The following MYCT1 variants were observed in gnomAD, a reference collection of about 807,000 sequenced individuals.
MYCT1 encodes myc target protein 1.
In MYCT1, 12 loss-of-function variants were observed where a neutral mutation model predicts 15.0. The observed-to-expected ratio is 0.80, with a 90% CI of 0.51 to 1.29. The LOEUF is 1.29. Among genes scored for constraint, MYCT1 ranks in the 50% most tolerant of loss-of-function variants. MYCT1 has a pLI of 0.00. For synonymous variants in MYCT1, 104 were observed against 102.7 expected (o/e 1.01, Z -0.07); for missense variants, 287 against 279.1 (o/e 1.03, Z -0.20).
rs2099725156 is a variant in MYCT1, at chr6:152,723,906, A to C, written c.*1653A>C. The stretch of plus-strand genomic sequence containing the variant: ...TCAGTGAAAAAGTACCCTCTTTTTC[A>C]TTTCCTATTGCAGTGGTCACAGCTA... On this transcript the variant is annotated 3_prime_UTR_variant, in exon 2 of 2. Transcript: ENST00000367245. 2.0e-5 allele frequency: 3 copies of C among 152,274 alleles called. No homozygotes were observed. In the South Asian group the frequency reaches 6.2e-4, roughly 32 times the overall value. 9.4% of individuals were successfully genotyped at this position (152,274 alleles called of 1,614,324 possible).
At chr6:152,705,881 GA>G in intron 1 of MYCT1, 1 of 737,790 alleles carries the variant, frequency 1.4e-6, no homozygotes, top group Non-Finnish European at 2.5e-6. Flanking sequence ...TGATTGTTGA[GA>G]AAATTATGCA....
chr6:152,718,276 T>C (rs2129070269), intron 1 of MYCT1, among the ~76,000 whole-genome samples: 1 of 152,334 alleles, frequency 6.6e-6, no homozygotes, highest in Non-Finnish European at 1.5e-5. Flanking sequence ...CCATTAGAGT[T>C]TGGATATTAT....
chr6:152,731,626 T>TTTTC, the MYCT1 span, among the ~76,000 whole-genome samples: 3 of 152,162 alleles, frequency 2.0e-5, no homozygotes, highest in Non-Finnish European at 2.9e-5. Context: ...CGGTGTTTGG[T>TTTTC]TTTCTGTCCT....
At chr6:152,706,293 CTGTA>C (rs1414229450) in intron 1 of MYCT1, among the ~76,000 whole-genome samples, 2 of 152,096 alleles carry the variant, frequency 1.3e-5, no homozygotes, top group Non-Finnish European at 2.9e-5. Flanking sequence ...AGTTGACAAA[CTGTA>C]TAATGGTTTA....
intron 1 of MYCT1, among the ~76,000 whole-genome samples, chr6:152,714,863 T>A (rs1225025118): frequency 6.6e-6 from 1 of 151,914 alleles, no homozygotes; most frequent in African/African-American, 2.4e-5. Context: ...CATATATATG[T>A]ATAAAACTTT....
intron 1 of MYCT1, among the ~76,000 whole-genome samples, chr6:152,705,030 C>A (rs1307459726): frequency 6.6e-6 from 1 of 152,142 alleles, no homozygotes; most frequent in Non-Finnish European, 1.5e-5. Flanking sequence ...CACTGGCAAT[C>A]ATCATTCTCT....
At chr6:152,700,039 T>C (rs2129067691) in intron 1 of MYCT1, among the ~76,000 whole-genome samples, 1 of 152,218 alleles carries the variant, frequency 6.6e-6, no homozygotes, top group African/African-American at 2.4e-5. Flanking sequence ...GCAGATATAA[T>C]GTTTGATGAT....
At chr6:152,699,152 G>C (rs545689102) in intron 1 of MYCT1, among the ~76,000 whole-genome samples, 2 of 152,260 alleles carry the variant, frequency 1.3e-5, no homozygotes, top group East Asian at 3.9e-4. Context: ...TAAACAGTGA[G>C]CAGTAGTGGC....
Position 152,723,540 on chromosome 6 carries a change from T to A in MYCT1, c.*1287T>A, listed in dbSNP as rs1469188655. ...CCCATGAAGAATTCTCCTTCCTGGATTGACTCTTAATCATCAGGCATCATT... is the reference window on the plus strand; with the variant it reads ...CCCATGAAGAATTCTCCTTCCTGGAATGACTCTTAATCATCAGGCATCATT... On this transcript the variant is annotated 3_prime_UTR_variant, in exon 2 of 2. Coordinates refer to ENST00000367245, the MANE Select transcript of MYCT1 (RefSeq NM_025107.3). 1 of 152,232 alleles carries A rather than the reference T, an allele frequency of 6.6e-6. No homozygotes were observed. The highest frequency in any genetic ancestry group is 2.4e-5 in the African/African-American group (1 of 41,460). 9.4% of individuals were successfully genotyped at this position (152,232 alleles called of 1,614,324 possible).
the MYCT1 span, among the ~76,000 whole-genome samples, chr6:152,731,679 A>T: frequency 2.0e-5 from 3 of 151,396 alleles, no homozygotes; most frequent in African/African-American, 7.3e-5. Context: ...CTTCATCCAT[A>T]CTTTAAATTA....
the MYCT1 span, among the ~76,000 whole-genome samples, chr6:152,740,037 T>C: frequency 6.6e-5 from 10 of 151,582 alleles, no homozygotes; most frequent in South Asian, 1.9e-3. Context: ...TATATTGTTA[T>C]TGTTATTATT....
intron 1 of MYCT1, among the ~76,000 whole-genome samples, chr6:152,704,195 C>T (rs1715443037): frequency 6.6e-6 from 1 of 151,724 alleles, no homozygotes; most frequent in South Asian, 2.1e-4. Context: ...AGAGACAAGG[C>T]TTTGCCATGT....
chr6:152,730,407 G>A, the MYCT1 span, among the ~76,000 whole-genome samples: 357 of 152,322 alleles, frequency 2.3e-3, 3 homozygotes, highest in African/African-American at 8.3e-3. Flanking sequence ...ATAGCCACTG[G>A]AACAAGATAC....
At chr6:152,716,633 G>A (rs2099723736) in intron 1 of MYCT1, among the ~76,000 whole-genome samples, 1 of 152,050 alleles carries the variant, frequency 6.6e-6, no homozygotes, top group Admixed American at 6.6e-5. Context: ...GTTATTATCA[G>A]GCCAAGAAGG....
chr6:152,735,348 C>A, the MYCT1 span, among the ~76,000 whole-genome samples: 1 of 151,956 alleles, frequency 6.6e-6, no homozygotes, highest in East Asian at 1.9e-4. Flanking sequence ...ATTGGTAGAA[C>A]CTTTGGATAT....
chr6:152,742,143 T>C, the MYCT1 span, among the ~76,000 whole-genome samples: 2 of 152,318 alleles, frequency 1.3e-5, no homozygotes, highest in South Asian at 2.1e-4. Flanking sequence ...AATGTCATTG[T>C]ATGTCACTGT....
chr6:152,722,189 T>C lies in MYCT1; in HGVS notation c.644T>C (p.Val215Ala). 6.2e-7 allele frequency: 1 copy of C among 1,614,098 alleles called. No individual in the cohort carries two copies. The highest frequency in any genetic ancestry group is 1.3e-5 in the African/African-American group (1 of 75,026). The change falls in exon 2 of 2, where the codon GTG becomes GCG. Residue 215 changes from valine to alanine, a missense_variant. Transcript: ENST00000367245. ...PDYWSSNSLR[V>A]GLSTPPPPAY... ...TACTGGTCCAGTAACAGTCTTCGAGTGGGCCTTTCAACACCGCCCCCACCT... is the reference window on the plus strand; with the variant it reads ...TACTGGTCCAGTAACAGTCTTCGAGCGGGCCTTTCAACACCGCCCCCACCT...
chr6:152,734,448 G>T, the MYCT1 span, among the ~76,000 whole-genome samples: 1 of 152,176 alleles, frequency 6.6e-6, no homozygotes, highest in African/African-American at 2.4e-5. Context: ...TGGAAAAACT[G>T]CAATGTTGGT....
the MYCT1 span, among the ~76,000 whole-genome samples, chr6:152,745,888 A>T: frequency 2.4e-3 from 369 of 152,282 alleles, 1 homozygote; most frequent in African/African-American, 8.1e-3. Context: ...GTGTTTCTCC[A>T]TGATTTGCTT....
Sources: gnomAD v4.1 joint callset for allele counts (sites outside exome capture counted in the v4.1 genomes callset) on GRCh38, gnomAD v4.1.1 for gene constraint, MANE v1.5 for transcripts, NCBI Gene and HGNC (gene_info 2026-07-23, HGNC 2026-07-21) for gene names.